SRRM4: variants seen among roughly 807,000 people sequenced by gnomAD.
SRRM4 encodes the protein serine/arginine repetitive matrix 4.
In SRRM4, 33 loss-of-function variants were observed where a neutral mutation model predicts 68.9. That is an observed-to-expected ratio of 0.48 (90% CI 0.36 to 0.64). The LOEUF (loss-of-function observed/expected upper bound fraction) is 0.64. Among genes scored for constraint, SRRM4 ranks in the 30% least tolerant of loss-of-function variants. SRRM4 has a pLI of 0.00. For missense variants in SRRM4, 817 were observed against 827.1 expected, an observed-to-expected ratio of 0.99 and a Z score of 0.15; for synonymous variants, 318 against 318.8, an observed-to-expected ratio of 1.00 and a Z score of 0.03.
chr12:119,012,299 C>T lies in SRRM4; in HGVS notation c.131+30286C>T, dbSNP rs574023247. Among the ~76,000 whole-genome samples the T allele has an allele frequency of 3.3e-5, 5 of 152,290 alleles. No individual in the cohort carries two copies. The East Asian group carries it at 9.7e-4, about 29-fold the overall frequency. On this transcript the variant is annotated intron_variant, in intron 1 of 12. Coordinates refer to ENST00000267260, the MANE Select transcript of SRRM4 (RefSeq NM_194286.4). ...AGTCCTCCCCATGGGGGGATGGAAA[C>T]GCTGCATCATGACCTGGCATCTGAA...
At chr12:119,141,299 GAT>G (rs1340523154) in intron 8 of SRRM4, among the ~76,000 whole-genome samples, 2 of 152,170 alleles carry the variant, frequency 1.3e-5, no homozygotes, top group Non-Finnish European at 2.9e-5. Flanking sequence ...TGTTTAAGGT[GAT>G]GGATATCTAT....
chr12:118,999,419 A>G (rs563465625), intron 1 of SRRM4, among the ~76,000 whole-genome samples: 112 of 152,294 alleles, frequency 7.4e-4, no homozygotes, highest in African/African-American at 2.4e-3. Context: ...AGGGAGCCCA[A>G]TCTTATTCTG....
intron 1 of SRRM4, among the ~76,000 whole-genome samples, chr12:118,991,319 C>A (rs1398282700): frequency 6.6e-6 from 1 of 152,202 alleles, no homozygotes; most frequent in Non-Finnish European, 1.5e-5. Context: ...TCTTCCTCTC[C>A]CCTGGTGCCT....
intron 1 of SRRM4, among the ~76,000 whole-genome samples, chr12:119,028,797 A>T (rs1479468923): frequency 1.3e-5 from 2 of 152,210 alleles, no homozygotes; most frequent in Admixed American, 6.5e-5. Flanking sequence ...CATGCAGGAG[A>T]GACTTTTTGG....
rs1565914237 is a variant in SRRM4, at chr12:119,125,398, G to GAA, written c.535_536dup (p.His181LeufsTer78). 6.2e-7 allele frequency: 1 copy of GAA among 1,612,876 alleles called. No individual in the cohort carries two copies. The highest frequency in any genetic ancestry group is 1.3e-5 in the African/African-American group (1 of 74,894). Reference sequence around the variant, plus strand: ...CCCCCAAGATCTCGAAGCCGGCCCCGAAAGTCTCACCGCCACCGCCATCAC... The same window carrying GAA: ...CCCCCAAGATCTCGAAGCCGGCCCCGAAAAAGTCTCACCGCCACCGCCATCAC... On this transcript the variant is annotated frameshift_variant, in exon 7 of 13. Transcript: ENST00000267260. LOFTEE classifies it high-confidence loss of function.
At chr12:119,099,456 CA>C (rs60670044) in intron 1 of SRRM4, among the ~76,000 whole-genome samples, 13,896 of 152,254 alleles carry the variant, frequency 0.091, 708 homozygotes, top group Middle Eastern at 0.15. Flanking sequence ...AATATGTTAA[CA>C]ATTTTTGAAC....
At chr12:119,045,903 T>C (rs2136014412) in intron 1 of SRRM4, among the ~76,000 whole-genome samples, 1 of 152,090 alleles carries the variant, frequency 6.6e-6, no homozygotes, top group African/African-American at 2.4e-5. Context: ...CCAGGCGTGG[T>C]GGTGTGCACC....
At chr12:119,001,974 A>G (rs1953387210) in intron 1 of SRRM4, 1 of 109,834 alleles carries the variant, frequency 9.1e-6, no homozygotes, top group Admixed American at 1.0e-4. Context: ...CAGAGTGAAA[A>G]CATGTCTCAA....
intron 1 of SRRM4, among the ~76,000 whole-genome samples, chr12:119,079,553 G>C (rs139219871): frequency 1.1e-3 from 171 of 152,260 alleles, no homozygotes; most frequent in African/African-American, 3.9e-3. Flanking sequence ...TCGTGTGTTT[G>C]CAATGACTCT....
In SRRM4 at chr12:119,043,775, T is replaced by TACACACACACACACACACACAC. The variant is rs58053550; in HGVS notation, c.132-58449_132-58428dup. 2.9e-3 allele frequency among the ~76,000 whole-genome samples: 418 copies of TACACACACACACACACACACAC among 141,756 alleles called. 1 individual carries two copies. Among genetic ancestry groups the TACACACACACACACACACACAC allele is most frequent in the Non-Finnish European group, 4.8e-3 (314 of 65,000 alleles). The allele number at this position is 141,756 out of a possible 152,430, so 93.0% of individuals were successfully genotyped here. On this transcript the variant is annotated intron_variant, in intron 1 of 12. Coordinates refer to ENST00000267260, the MANE Select transcript of SRRM4 (RefSeq NM_194286.4). Reference sequence around the variant, plus strand: ...ACATACACATGCACACATACACGCATACACACACACACACACACACACACA... The same window carrying TACACACACACACACACACACAC: ...ACATACACATGCACACATACACGCATACACACACACACACACACACACACACACACACACACACACACACACA...
At chr12:119,124,043 C>T (rs570272262) in intron 6 of SRRM4, among the ~76,000 whole-genome samples, 5 of 152,320 alleles carry the variant, frequency 3.3e-5, no homozygotes, top group African/African-American at 1.2e-4. Context: ...GGTTTAAACT[C>T]TCTGTGCCTC....
chr12:119,109,362 T>C (rs1371626123), intron 2 of SRRM4, among the ~76,000 whole-genome samples: 1 of 152,232 alleles, frequency 6.6e-6, no homozygotes, highest in Non-Finnish European at 1.5e-5. Context: ...ATTTGAATGT[T>C]GGCCTGCCCC....
intron 11 of SRRM4, among the ~76,000 whole-genome samples, chr12:119,153,939 C>A (rs1954455749): frequency 6.6e-6 from 1 of 152,080 alleles, no homozygotes; most frequent in South Asian, 2.1e-4. Context: ...CAGTTCTTAC[C>A]CACGCACCAG....
At chr12:118,993,421 A>G (rs1953329565) in intron 1 of SRRM4, among the ~76,000 whole-genome samples, 1 of 152,224 alleles carries the variant, frequency 6.6e-6, no homozygotes, top group African/African-American at 2.4e-5. Context: ...TCTTAGAATG[A>G]CATTCCTCTT....
chr12:119,116,265 G>C (rs1056971742), intron 3 of SRRM4, among the ~76,000 whole-genome samples: 26 of 152,178 alleles, frequency 1.7e-4, no homozygotes, highest in Admixed American at 8.5e-4. Context: ...TTGGAACTTA[G>C]GTCACCTGAG....
chr12:119,037,809 C>G (rs574196422), intron 1 of SRRM4, among the ~76,000 whole-genome samples: 1 of 152,138 alleles, frequency 6.6e-6, no homozygotes, highest in Non-Finnish European at 1.5e-5. Flanking sequence ...CTTGAAATAT[C>G]GGGGTTCTCA....
rs1954300319 is a variant in SRRM4 at position 119,131,852 on chromosome 12, C to T, written c.771+1018C>T. Among the ~76,000 whole-genome samples, 3 of 152,160 alleles carry T rather than the reference C, an allele frequency of 2.0e-5. No individual in the cohort carries two copies. The South Asian group carries it at 6.2e-4, about 32-fold the overall frequency. The stretch of plus-strand genomic sequence containing the variant: ...TTGCAGCAGGCAGCTGTGAAAGGGA[C>T]TGTTTTCTCTAGCTACATGTGAACT... On this transcript the variant is annotated intron_variant, in intron 8 of 12. Coordinates refer to ENST00000267260, the MANE Select transcript of SRRM4 (RefSeq NM_194286.4).
At chr12:119,135,497 A>G (rs933660461) in intron 8 of SRRM4, among the ~76,000 whole-genome samples, 3 of 152,186 alleles carry the variant, frequency 2.0e-5, no homozygotes, top group African/African-American at 7.2e-5. Flanking sequence ...GGAAGAGGCA[A>G]TATGATTAAG....
At chr12:119,113,130 C>T (rs1657018489) in intron 2 of SRRM4, among the ~76,000 whole-genome samples, 1 of 152,062 alleles carries the variant, frequency 6.6e-6, no homozygotes, top group South Asian at 2.1e-4. Context: ...ATAAATATAG[C>T]TATATGATTC....
Sources: gnomAD v4.1 joint callset for allele counts (sites outside exome capture counted in the v4.1 genomes callset) on GRCh38, gnomAD v4.1.1 for gene constraint, MANE v1.5 for transcripts, NCBI Gene and HGNC (gene_info 2026-07-23, HGNC 2026-07-21) for gene names.